ELMO1: variants seen among roughly 807,000 people sequenced by gnomAD.
The protein encoded by ELMO1 is engulfment and cell motility 1.
ELMO1 carries 26 observed loss-of-function variants against 98.9 expected under a neutral mutation model. That is an observed-to-expected ratio of 0.26 (90% CI 0.19 to 0.36). The LOEUF (loss-of-function observed/expected upper bound fraction) is 0.36. ELMO1 is among the 10% of genes least tolerant of loss of function. The pLI is 1.00. For synonymous variants in ELMO1, 346 were observed against 346.0 expected (o/e 1.00, Z 0.00); for missense variants, 627 against 935.2 (o/e 0.67, Z 4.30).
At chr7:37,183,853 T>C (rs999028458) in intron 13 of ELMO1, among the ~76,000 whole-genome samples, 1 of 152,178 alleles carries the variant, frequency 6.6e-6, no homozygotes, top group Non-Finnish European at 1.5e-5. Flanking sequence ...TACCCTTATA[T>C]AATAATAATA....
intron 16 of ELMO1, among the ~76,000 whole-genome samples, chr7:37,003,258 C>T (rs1792807333): frequency 6.6e-6 from 1 of 152,142 alleles, no homozygotes. Flanking sequence ...AGTGGTAGCT[C>T]ACACCTTTAA....
intron 13 of ELMO1, among the ~76,000 whole-genome samples, chr7:37,194,315 C>T (rs1204118113): frequency 6.6e-6 from 1 of 152,224 alleles, no homozygotes; most frequent in Non-Finnish European, 1.5e-5. Context: ...CTTCCCAAAG[C>T]TGCATCTCCT....
At chr7:36,952,588 C>T (rs149915136) in intron 16 of ELMO1, among the ~76,000 whole-genome samples, 1,699 of 152,048 alleles carry the variant, frequency 0.011, 25 homozygotes, top group African/African-American at 0.039. Context: ...ATGAAAGGGA[C>T]GGGATACATT....
At chr7:36,904,126 T>C (rs1783786537) in intron 16 of ELMO1, among the ~76,000 whole-genome samples, 1 of 152,216 alleles carries the variant, frequency 6.6e-6, no homozygotes, top group Admixed American at 6.5e-5. Context: ...GCAGCAGTGA[T>C]GGTCAGTGTT....
chr7:36,986,496 G>C (rs1791518439), intron 16 of ELMO1: 1 of 154,478 alleles, frequency 6.5e-6, no homozygotes, highest in Admixed American at 6.5e-5. Context: ...GCTGGAGATA[G>C]TTCATATTCA....
chr7:37,122,309 G>A (rs1224681353), intron 14 of ELMO1, among the ~76,000 whole-genome samples: 2 of 152,062 alleles, frequency 1.3e-5, no homozygotes, highest in South Asian at 2.1e-4. Flanking sequence ...ATGCAAATGG[G>A]CTAAATACTC....
intron 16 of ELMO1, among the ~76,000 whole-genome samples, chr7:36,908,748 T>C (rs1190517671): frequency 6.6e-6 from 1 of 152,202 alleles, no homozygotes; most frequent in Non-Finnish European, 1.5e-5. Flanking sequence ...AAAACGTATG[T>C]TTAAAAACTG....
chr7:37,286,304 T>C (rs992825186), intron 4 of ELMO1, among the ~76,000 whole-genome samples: 6 of 152,218 alleles, frequency 3.9e-5, no homozygotes, highest in Middle Eastern at 3.2e-3. Context: ...TAACCTGCTG[T>C]GGCATTAGCC....
chr7:37,434,722 C>T (rs776419577), intron 1 of ELMO1, among the ~76,000 whole-genome samples: 9 of 152,216 alleles, frequency 5.9e-5, no homozygotes, highest in Non-Finnish European at 1.0e-4. Flanking sequence ...GGAGTGCTCC[C>T]TGCCTCAGGC....
At chr7:37,433,146 G>T (rs1422514129) in intron 1 of ELMO1, among the ~76,000 whole-genome samples, 1 of 152,196 alleles carries the variant, frequency 6.6e-6, no homozygotes, top group Non-Finnish European at 1.5e-5. Flanking sequence ...TACATGCCAG[G>T]CATCCCTAAA....
intron 1 of ELMO1, among the ~76,000 whole-genome samples, chr7:37,406,863 T>A (rs73118738): frequency 0.23 from 35,302 of 152,086 alleles, 4,334 homozygotes; most frequent in East Asian, 0.41. Context: ...TATAAATTAA[T>A]ATAACAGTAA....
intron 1 of ELMO1, among the ~76,000 whole-genome samples, chr7:37,364,501 A>G (rs1801821026): frequency 6.6e-6 from 1 of 152,160 alleles, no homozygotes; most frequent in Admixed American, 6.5e-5. Context: ...AGACTTCTTC[A>G]CTTGTTTTCA....
chr7:37,151,782 T>C (rs961355252), intron 13 of ELMO1, among the ~76,000 whole-genome samples: 5 of 152,138 alleles, frequency 3.3e-5, no homozygotes, highest in African/African-American at 1.2e-4. Flanking sequence ...TCAAATTAAC[T>C]TTTTTCAAAT....
intron 1 of ELMO1, among the ~76,000 whole-genome samples, chr7:37,436,631 A>G (rs1300414032): frequency 1.3e-5 from 2 of 152,234 alleles, no homozygotes; most frequent in Admixed American, 1.3e-4. Flanking sequence ...TAATGGGTAC[A>G]TGAGCTACTG....
At chr7:37,046,032 C>T (rs2129199641) in intron 15 of ELMO1, among the ~76,000 whole-genome samples, 1 of 152,262 alleles carries the variant, frequency 6.6e-6, no homozygotes, top group African/African-American at 2.4e-5. Flanking sequence ...GGATTAAGCC[C>T]ACAGAAGCAA....
chr7:37,374,755 T>C (rs1432311226), intron 1 of ELMO1, among the ~76,000 whole-genome samples: 2 of 143,144 alleles, frequency 1.4e-5, no homozygotes, highest in Non-Finnish European at 3.1e-5. Flanking sequence ...CATCTCAAAA[T>C]AAATAAATAA....
At chr7:36,999,787 G>C (rs937671558) in intron 16 of ELMO1, among the ~76,000 whole-genome samples, 3 of 152,146 alleles carry the variant, frequency 2.0e-5, no homozygotes, top group African/African-American at 7.2e-5. Flanking sequence ...GTGTGTGTGT[G>C]TTTGAATCTG....
chr7:37,240,752 T>C (rs1225118302), intron 7 of ELMO1, among the ~76,000 whole-genome samples: 1 of 152,062 alleles, frequency 6.6e-6, no homozygotes, highest in African/African-American at 2.4e-5. Flanking sequence ...GAAAGAGTGT[T>C]TTCTAATTTC....
chr7:36,900,485 G>A (rs1413443683), intron 16 of ELMO1, among the ~76,000 whole-genome samples: 1 of 152,194 alleles, frequency 6.6e-6, no homozygotes, highest in African/African-American at 2.4e-5. Flanking sequence ...TTATGAGTCT[G>A]CCAACAAGGT....
Sources: gnomAD v4.1 joint callset for allele counts (sites outside exome capture counted in the v4.1 genomes callset) on GRCh38, gnomAD v4.1.1 for gene constraint, MANE v1.5 for transcripts, NCBI Gene and HGNC (gene_info 2026-07-23, HGNC 2026-07-21) for gene names.